The following DLGAP2 variants were observed in gnomAD, a reference collection of about 807,000 sequenced individuals.
The protein encoded by DLGAP2 is DLG associated protein 2, also known as disks large-associated protein 2.
In DLGAP2, 26 loss-of-function variants were observed where a neutral mutation model predicts 100.3. The observed-to-expected ratio is 0.26, with a 90% CI of 0.19 to 0.36. DLGAP2 has a LOEUF of 0.36. DLGAP2 is among the 10% of genes least tolerant of loss of function. The pLI, the probability that DLGAP2 is intolerant of heterozygous loss-of-function variation, is 1.00. For missense variants in DLGAP2, 1,858 were observed against 1,453.2 expected (o/e 1.28, Z -4.53); for synonymous variants, 886 against 630.1 (o/e 1.41, Z -6.08).
At chr8:1,562,093 A>G (rs1194108193) in intron 5 of DLGAP2, among the ~76,000 whole-genome samples, 1 of 22,288 alleles carries the variant, frequency 4.5e-5, no homozygotes, top group Admixed American at 6.2e-4. Flanking sequence ...GCGCCTCGTT[A>G]CTGGGGGACT....
At chr8:1,229,836 C>G (rs1798498512) in intron 2 of DLGAP2, among the ~76,000 whole-genome samples, 2 of 152,120 alleles carry the variant, frequency 1.3e-5, no homozygotes, top group Admixed American at 1.3e-4. Context: ...ATGATAAAAA[C>G]CCTCCAGAAA....
At chr8:1,410,923 A>C (rs1796713576) in intron 3 of DLGAP2, among the ~76,000 whole-genome samples, 1 of 150,670 alleles carries the variant, frequency 6.6e-6, no homozygotes, top group African/African-American at 2.4e-5. Flanking sequence ...AAATATCTTT[A>C]CTTCTCTATT....
At position 1,237,446 on chromosome 8, in the gene DLGAP2, C is replaced by T. The variant is rs867783608; in HGVS notation, c.74-21405C>T. 1.3e-3 allele frequency among the ~76,000 whole-genome samples: 190 copies of T among 141,904 alleles called. 1 individual carries two copies. The highest frequency in any genetic ancestry group is 4.0e-3 in the African/African-American group (147 of 36,872). The allele number at this position is 141,904 out of a possible 152,430, so 93.1% of individuals were successfully genotyped here. ...CGTGTCTAGTTCTCTCACATGGCGC[C>T]GTGTCTAGTTACCTCTCACATGGTG... On this transcript the variant is annotated intron_variant, in intron 2 of 14. Transcript: ENST00000637795.
At chr8:843,846 G>T (rs12674512) in intron 1 of DLGAP2, among the ~76,000 whole-genome samples, 110,162 of 152,064 alleles carry the variant, frequency 0.72, 40,345 homozygotes, top group East Asian at 0.99. Flanking sequence ...TTTCTTCACG[G>T]GTATTAAGTT....
intron 2 of DLGAP2, among the ~76,000 whole-genome samples, chr8:948,484 C>G (rs993947731): frequency 1.3e-5 from 2 of 152,234 alleles, no homozygotes; most frequent in African/African-American, 2.4e-5. Context: ...ACACCAGGCG[C>G]CTGCTGGGTG....
intron 3 of DLGAP2, among the ~76,000 whole-genome samples, chr8:1,310,865 A>G (rs980313928): frequency 3.9e-5 from 6 of 152,204 alleles, no homozygotes; most frequent in Non-Finnish European, 8.8e-5. Context: ...GACATTAATA[A>G]CAGGAGGAAA....
chr8:1,256,962 A>G (rs78588209), intron 2 of DLGAP2, among the ~76,000 whole-genome samples: 6,088 of 152,068 alleles, frequency 0.04, 360 homozygotes, highest in African/African-American at 0.13. Context: ...CCTTTCACAC[A>G]GAGCAGTGTG....
At chr8:1,589,002 G>A (rs1348483577) in intron 6 of DLGAP2, among the ~76,000 whole-genome samples, 1 of 152,136 alleles carries the variant, frequency 6.6e-6, no homozygotes, top group Admixed American at 6.5e-5. Context: ...TCACATTCAG[G>A]TATTTGAGCA....
intron 8 of DLGAP2, among the ~76,000 whole-genome samples, chr8:1,647,452 G>A (rs1302552385): frequency 8.4e-5 from 10 of 118,346 alleles, no homozygotes; most frequent in South Asian, 2.9e-4. Context: ...TCGCGCCACT[G>A]CACTCCAGCC....
At chr8:1,203,158 G>GT (rs1401790013) in intron 2 of DLGAP2, among the ~76,000 whole-genome samples, 1 of 152,126 alleles carries the variant, frequency 6.6e-6, no homozygotes. Flanking sequence ...TTTGAGGTCT[G>GT]TTATTCCTAT....
intron 8 of DLGAP2, among the ~76,000 whole-genome samples, chr8:1,656,622 T>C (rs563140449): frequency 1.3e-5 from 2 of 152,356 alleles, no homozygotes; most frequent in East Asian, 3.9e-4. Context: ...TACACACCTC[T>C]TCCCTGCCCC....
chr8:1,171,926 A>G (rs1797137272), intron 2 of DLGAP2, among the ~76,000 whole-genome samples: 1 of 152,066 alleles, frequency 6.6e-6, no homozygotes, highest in Non-Finnish European at 1.5e-5. Context: ...TCCTGTCATT[A>G]TGATGTTAGC....
intron 3 of DLGAP2, among the ~76,000 whole-genome samples, chr8:1,454,319 A>G (rs1232316724): frequency 2.0e-5 from 3 of 151,200 alleles, no homozygotes; most frequent in Admixed American, 2.0e-4. Context: ...CATCCATGGC[A>G]GTCTGAACAC....
At chr8:1,424,729 G>C (rs908266623) in intron 3 of DLGAP2, among the ~76,000 whole-genome samples, 1 of 152,002 alleles carries the variant, frequency 6.6e-6, no homozygotes, top group East Asian at 1.9e-4. Context: ...CAAGGATGGT[G>C]TGATCCCCTT....
At chr8:1,152,793 C>G (rs527395356) in intron 2 of DLGAP2, among the ~76,000 whole-genome samples, 1 of 152,206 alleles carries the variant, frequency 6.6e-6, no homozygotes, top group Non-Finnish European at 1.5e-5. Flanking sequence ...TGGGCCAAAC[C>G]TACATCACAT....
chr8:1,378,969 A>G (rs903090187), intron 3 of DLGAP2, among the ~76,000 whole-genome samples: 1 of 152,236 alleles, frequency 6.6e-6, no homozygotes, highest in Non-Finnish European at 1.5e-5. Flanking sequence ...TCTTAGCCCC[A>G]TAGGGTCCAC....
intron 3 of DLGAP2, among the ~76,000 whole-genome samples, chr8:1,493,076 G>C (rs1799438802): frequency 6.6e-6 from 1 of 152,246 alleles, no homozygotes; most frequent in Non-Finnish European, 1.5e-5. Flanking sequence ...GGGAAGTCCA[G>C]GAGGATCTGG....
At chr8:1,501,536 GT>G in intron 4 of DLGAP2, 105 bp downstream of exon 4, 2 of 1,121,656 alleles carry the variant, frequency 1.8e-6, no homozygotes, top group Non-Finnish European at 2.5e-6. Flanking sequence ...ACGTTAGCAT[GT>G]TTAGAAAGGG....
chr8:879,899 TCTC>T (rs1244946510), intron 1 of DLGAP2, among the ~76,000 whole-genome samples: 1 of 152,126 alleles, frequency 6.6e-6, no homozygotes, highest in East Asian at 1.9e-4. Context: ...ACTTCTCCAT[TCTC>T]CTTCCGTGTC....
Sources: gnomAD v4.1 joint callset for allele counts (sites outside exome capture counted in the v4.1 genomes callset) on GRCh38, gnomAD v4.1.1 for gene constraint, MANE v1.5 for transcripts, NCBI Gene and HGNC (gene_info 2026-07-23, HGNC 2026-07-21) for gene names.